The following CREB5 variants were observed in gnomAD, a reference collection of about 807,000 sequenced individuals.
CREB5 encodes cAMP responsive element binding protein 5.
In CREB5, 19 loss-of-function variants were observed where a neutral mutation model predicts 57.1. The observed-to-expected ratio is 0.33, with a 90% confidence interval of 0.23 to 0.49. The LOEUF (loss-of-function observed/expected upper bound fraction) is 0.49, where lower values mean the gene tolerates loss of function less well. CREB5 is among the 20% of genes least tolerant of loss of function. The pLI, the probability that CREB5 is intolerant of heterozygous loss-of-function variation, is 0.99. For missense variants in CREB5, 579 were observed against 671.6 expected (o/e 0.86, Z 1.52); for synonymous variants, 238 against 238.3 (o/e 1.00, Z 0.01).
chr7:28,623,889 G>A (rs923983897), intron 5 of CREB5, among the ~76,000 whole-genome samples: 1 of 152,126 alleles, frequency 6.6e-6, no homozygotes, highest in Admixed American at 6.6e-5. Flanking sequence ...AAAGATGGGG[G>A]GAGATTGTAT....
intron 9 of CREB5, among the ~76,000 whole-genome samples, chr7:28,817,260 C>T (rs1809492630): frequency 6.6e-6 from 1 of 152,186 alleles, no homozygotes; most frequent in Non-Finnish European, 1.5e-5. Context: ...TGACATCATC[C>T]ACCTGCAGCT....
At chr7:28,794,564 C>A (rs1310246086) in intron 7 of CREB5, among the ~76,000 whole-genome samples, 1 of 152,152 alleles carries the variant, frequency 6.6e-6, no homozygotes, top group Non-Finnish European at 1.5e-5. Context: ...AGGAGCTCGG[C>A]AGCCGGAAAG....
At chr7:28,376,619 T>C (rs1429819183) in intron 1 of CREB5, among the ~76,000 whole-genome samples, 1 of 152,202 alleles carries the variant, frequency 6.6e-6, no homozygotes, top group Non-Finnish European at 1.5e-5. Flanking sequence ...AATGCAGAAC[T>C]GAAGCCAAAG....
chr7:28,374,298 T>C lies in CREB5; in HGVS notation c.-25+74857T>C, dbSNP rs150195734. Among the ~76,000 whole-genome samples the C allele has an allele frequency of 2.8e-3, 419 of 152,278 alleles. 4 individuals carry two copies. The highest frequency in any genetic ancestry group is 0.025 in the East Asian group (131 of 5,184). ...ATGTAAAATGGTGCAATGGAGAAGT[T>C]TGGCTGTTTCTCCAAAAATTAAACA... On this transcript the variant is annotated intron_variant, in intron 1 of 9. Transcript: ENST00000396299.
At chr7:28,760,221 T>C (rs1266021140) in intron 7 of CREB5, among the ~76,000 whole-genome samples, 2 of 152,290 alleles carry the variant, frequency 1.3e-5, no homozygotes, top group East Asian at 3.9e-4. Flanking sequence ...AACACAACAT[T>C]ACCTACAGGA....
chr7:28,455,537 C>G (rs990357357), intron 1 of CREB5, among the ~76,000 whole-genome samples: 1 of 152,228 alleles, frequency 6.6e-6, no homozygotes, highest in African/African-American at 2.4e-5. Flanking sequence ...ATGTGGTAGA[C>G]TCTCAGGTAG....
At chr7:28,782,158 C>T (rs928669969) in intron 7 of CREB5, among the ~76,000 whole-genome samples, 2 of 152,068 alleles carry the variant, frequency 1.3e-5, no homozygotes, top group Non-Finnish European at 2.9e-5. Flanking sequence ...ACTTACCATA[C>T]ATCACATCTG....
intron 1 of CREB5, among the ~76,000 whole-genome samples, chr7:28,421,782 T>C (rs1054767765): frequency 1.4e-5 from 2 of 145,840 alleles, no homozygotes; most frequent in African/African-American, 2.5e-5. Flanking sequence ...TATATATATA[T>C]ACCATATATA....
At chr7:28,645,251 T>A (rs956255836) in intron 5 of CREB5, among the ~76,000 whole-genome samples, 3 of 152,220 alleles carry the variant, frequency 2.0e-5, no homozygotes, top group African/African-American at 7.2e-5. Flanking sequence ...ATTACTATGG[T>A]GATAAAATCC....
chr7:28,674,993 A>G (rs966627238), intron 5 of CREB5, among the ~76,000 whole-genome samples: 2 of 151,392 alleles, frequency 1.3e-5, no homozygotes, highest in Non-Finnish European at 2.9e-5. Context: ...CATGAAACAC[A>G]CCAATTTCCT....
intron 1 of CREB5, among the ~76,000 whole-genome samples, chr7:28,327,284 G>A (rs1785627270): frequency 1.3e-5 from 2 of 152,072 alleles, no homozygotes; most frequent in South Asian, 4.1e-4. Flanking sequence ...ATATTCAAGA[G>A]TTGTAAATTT....
chr7:28,561,423 G>A (rs543626255), intron 4 of CREB5, among the ~76,000 whole-genome samples: 34 of 152,330 alleles, frequency 2.2e-4, no homozygotes, highest in African/African-American at 7.9e-4. Flanking sequence ...TGATAGTAAT[G>A]ATGATGAGAA....
At chr7:28,462,369 T>G (rs534404590) in intron 1 of CREB5, among the ~76,000 whole-genome samples, 1 of 152,342 alleles carries the variant, frequency 6.6e-6, no homozygotes, top group African/African-American at 2.4e-5. Flanking sequence ...AATGCTGCCA[T>G]GAACATCGAT....
intron 1 of CREB5, among the ~76,000 whole-genome samples, chr7:28,311,032 G>A (rs554765213): frequency 6.7e-5 from 10 of 149,812 alleles, no homozygotes; most frequent in East Asian, 4.0e-4. Flanking sequence ...CGTGGCTCAC[G>A]CCTGTAATCC....
At chr7:28,560,823 C>CGTGTGTGTGTGCGTGTGCGTGCGT (rs1442862711) in intron 4 of CREB5, among the ~76,000 whole-genome samples, 7 of 34,448 alleles carry the variant, frequency 2.0e-4, no homozygotes, top group African/African-American at 6.7e-4. Context: ...TGTGTGTGTG[C>CGTGTGTGTGTGCGTGTGCGTGCGT]GCGCGCGCGC....
At chr7:28,706,788 C>T (rs971109533) in intron 5 of CREB5, among the ~76,000 whole-genome samples, 2 of 152,122 alleles carry the variant, frequency 1.3e-5, no homozygotes, top group African/African-American at 2.4e-5. Flanking sequence ...TCACCCTTCC[C>T]CCATACCCCC....
chr7:28,822,497 G>A lies in CREB5; in HGVS notation c.*3218G>A, dbSNP rs952206784. On this transcript the variant is annotated 3_prime_UTR_variant, in exon 11 of 11. Transcript: ENST00000357727. ...CATGTGTTCATGAATCAATCATCAC[G>A]GCCTGCAGAGCACCTGTCCTAAGGA... 2 of 152,630 alleles carry A rather than the reference G, an allele frequency of 1.3e-5. No individual in the cohort carries two copies. The highest frequency in any genetic ancestry group is 1.5e-5 in the Non-Finnish European group (1 of 68,040). The allele number at this position is 152,630 out of a possible 1,614,324, so 9.5% of individuals were successfully genotyped here.
chr7:28,352,730 C>T (rs932312228), intron 1 of CREB5, among the ~76,000 whole-genome samples: 2 of 152,140 alleles, frequency 1.3e-5, no homozygotes, highest in African/African-American at 4.8e-5. Flanking sequence ...TTGCAGAAGA[C>T]TTTCACAATA....
chr7:28,346,357 C>G (rs984793028), intron 1 of CREB5, among the ~76,000 whole-genome samples: 2 of 152,198 alleles, frequency 1.3e-5, no homozygotes, highest in African/African-American at 4.8e-5. Flanking sequence ...CTTACTGTAT[C>G]CTCACATGGG....
Sources: allele counts gnomAD v4.1 joint callset (sites outside exome capture counted in the v4.1 genomes callset), GRCh38; gene constraint gnomAD v4.1.1; transcripts MANE v1.5; gene names NCBI Gene and HGNC (gene_info 2026-07-23, HGNC 2026-07-21).